MACROD2: variants seen among roughly 807,000 people sequenced by gnomAD.
MACROD2 encodes mono-ADP ribosylhydrolase 2.
In MACROD2, 36 loss-of-function variants were observed where a neutral mutation model predicts 70.4. That is an observed-to-expected ratio of 0.51 (90% CI 0.39 to 0.68). The LOEUF (loss-of-function observed/expected upper bound fraction) is 0.68, where lower values mean the gene tolerates loss of function less well. Ranked by LOEUF, MACROD2 falls within the 30% of genes least tolerant of loss-of-function variation. The pLI is 0.00. For synonymous variants in MACROD2, 172 were observed against 178.8 expected (o/e 0.96, Z 0.30); for missense variants, 496 against 538.4 (o/e 0.92, Z 0.78).
At chr20:15,155,364 T>C (rs1366612604) in intron 5 of MACROD2, among the ~76,000 whole-genome samples, 1 of 152,158 alleles carries the variant, frequency 6.6e-6, no homozygotes, top group African/African-American at 2.4e-5. Context: ...CTCACTGCTC[T>C]CTCTTGCCCT....
At chr20:15,688,127 G>T (rs1414196216) in intron 8 of MACROD2, among the ~76,000 whole-genome samples, 1 of 152,068 alleles carries the variant, frequency 6.6e-6, no homozygotes, top group Non-Finnish European at 1.5e-5. Context: ...AAATAATTTA[G>T]GTTAATAGTA....
intron 8 of MACROD2, among the ~76,000 whole-genome samples, chr20:15,696,296 A>G (rs1431842391): frequency 1.3e-5 from 2 of 152,186 alleles, no homozygotes; most frequent in Non-Finnish European, 2.9e-5. Context: ...ATCTATTGAG[A>G]TGATCATGTG....
chr20:14,391,635 T>A (rs2083527776), intron 3 of MACROD2, among the ~76,000 whole-genome samples: 1 of 151,348 alleles, frequency 6.6e-6, no homozygotes, highest in Admixed American at 6.6e-5. Flanking sequence ...ATTAAAAAAA[T>A]TTAGCCTTCT....
intron 3 of MACROD2, among the ~76,000 whole-genome samples, chr20:14,302,037 T>C (rs1453413551): frequency 6.6e-6 from 1 of 152,222 alleles, no homozygotes; most frequent in Non-Finnish European, 1.5e-5. Context: ...AGTTTTCTGT[T>C]GCTATATAAT....
At position 15,009,010 on chromosome 20, in the gene MACROD2, A is replaced by G. The variant is rs2075061660; in HGVS notation, c.419-220930A>G. On this transcript the variant is annotated intron_variant, in intron 5 of 17. Coordinates refer to ENST00000684519, the MANE Select transcript of MACROD2 (RefSeq NM_001351661.2). ...TAATTGGCTGTCTTTACTCAGAGAAACAGGAGAACCTGTGAGGTTCAGCAT... is the reference window on the plus strand; with the variant it reads ...TAATTGGCTGTCTTTACTCAGAGAAGCAGGAGAACCTGTGAGGTTCAGCAT... Among the ~76,000 whole-genome samples the G allele has an allele frequency of 2.0e-5, 3 of 152,112 alleles. No individual in the cohort carries two copies. The South Asian group carries it at 6.2e-4, about 32-fold the overall frequency.
chr20:15,882,045 A>T (rs190449109), intron 9 of MACROD2, among the ~76,000 whole-genome samples: 1 of 152,236 alleles, frequency 6.6e-6, no homozygotes, highest in Admixed American at 6.5e-5. Context: ...TAATTTTATT[A>T]TCCCTATTTT....
chr20:15,494,762 TGC>T (rs66832904), intron 7 of MACROD2, among the ~76,000 whole-genome samples: 9,113 of 124,674 alleles, frequency 0.073, 295 homozygotes, highest in South Asian at 0.09. Context: ...TGTGTGTGTG[TGC>T]GCGTGTGTGT....
intron 8 of MACROD2, among the ~76,000 whole-genome samples, chr20:15,651,882 T>C (rs1337021516): frequency 1.3e-5 from 2 of 152,202 alleles, no homozygotes; most frequent in African/African-American, 4.8e-5. Flanking sequence ...TCTCGGTTGC[T>C]TTTTATCTTT....
At chr20:15,282,962 C>A (rs1291434492) in intron 6 of MACROD2, among the ~76,000 whole-genome samples, 1 of 152,134 alleles carries the variant, frequency 6.6e-6, no homozygotes, top group African/African-American at 2.4e-5. Flanking sequence ...CCTCAGGAAA[C>A]TTACAATCAT....
intron 15 of MACROD2, among the ~76,000 whole-genome samples, chr20:16,000,561 G>A (rs184217121): frequency 1.1e-4 from 17 of 152,212 alleles, no homozygotes; most frequent in Admixed American, 1.1e-3. Flanking sequence ...ATTTTGTTTG[G>A]CTCTTTCTCT....
intron 8 of MACROD2, among the ~76,000 whole-genome samples, chr20:15,841,832 G>A (rs1176669292): frequency 6.6e-6 from 1 of 151,988 alleles, no homozygotes; most frequent in Non-Finnish European, 1.5e-5. Flanking sequence ...GTTTGTGATG[G>A]GTTCAGCTAG....
At chr20:14,872,762 A>G (rs773471043) in intron 5 of MACROD2, among the ~76,000 whole-genome samples, 12 of 152,146 alleles carry the variant, frequency 7.9e-5, no homozygotes, top group Non-Finnish European at 1.8e-4. Flanking sequence ...ACACTGTGGT[A>G]AAGAACTGTC....
chr20:14,364,309 A>G (rs1048754569), intron 3 of MACROD2, among the ~76,000 whole-genome samples: 1 of 152,192 alleles, frequency 6.6e-6, no homozygotes, highest in Admixed American at 6.5e-5. Context: ...ATTCCTGCTG[A>G]TGTAGAAATA....
chr20:15,773,169 C>T (rs990118073), intron 8 of MACROD2, among the ~76,000 whole-genome samples: 4 of 151,966 alleles, frequency 2.6e-5, no homozygotes, highest in Admixed American at 6.5e-5. Flanking sequence ...ACCTCATTTC[C>T]GTCAGATGAT....
intron 6 of MACROD2, among the ~76,000 whole-genome samples, chr20:15,420,239 C>A (rs2046209462): frequency 6.6e-6 from 1 of 152,152 alleles, no homozygotes; most frequent in African/African-American, 2.4e-5. Context: ...TGAAAGAGGG[C>A]TGCTACTATT....
At chr20:15,126,517 C>A (rs1440272631) in intron 5 of MACROD2, among the ~76,000 whole-genome samples, 1 of 151,896 alleles carries the variant, frequency 6.6e-6, no homozygotes, top group Non-Finnish European at 1.5e-5. Context: ...TTATTAAAAT[C>A]TTGCAGCTTA....
At chr20:14,279,793 T>G (rs528338195) in intron 3 of MACROD2, among the ~76,000 whole-genome samples, 4 of 152,288 alleles carry the variant, frequency 2.6e-5, no homozygotes, top group Admixed American at 6.5e-5. Flanking sequence ...TCTTTCTGAA[T>G]CCACATTTTA....
intron 5 of MACROD2, among the ~76,000 whole-genome samples, chr20:14,837,177 A>T (rs2073038953): frequency 6.6e-6 from 1 of 152,082 alleles, no homozygotes; most frequent in African/African-American, 2.4e-5. Context: ...TATCTAGAAA[A>T]TAATAAATAT....
chr20:15,974,955 T>G (rs1487755369), intron 13 of MACROD2, among the ~76,000 whole-genome samples: 1 of 152,002 alleles, frequency 6.6e-6, no homozygotes, highest in East Asian at 1.9e-4. Flanking sequence ...GTAAAGGTTA[T>G]AGTGAAATTA....
Sources: gnomAD v4.1 joint callset for allele counts (sites outside exome capture counted in the v4.1 genomes callset) on GRCh38, gnomAD v4.1.1 for gene constraint, MANE v1.5 for transcripts, NCBI Gene and HGNC (gene_info 2026-07-23, HGNC 2026-07-21) for gene names.